ACACB: variants seen among roughly 807,000 people sequenced by gnomAD.
ACACB encodes acetyl-CoA carboxylase beta, also known as acetyl-CoA carboxylase 2.
A neutral mutation model predicts 278.8 loss-of-function variants in ACACB; 209 were observed. The ratio of observed to expected loss-of-function variants is 0.75; its 90% CI spans 0.67 to 0.84. The LOEUF is 0.84. ACACB is among the 40% of genes least tolerant of loss of function. ACACB has a pLI of 0.00. For missense variants in ACACB, 2,850 were observed against 3,269.0 expected, an observed-to-expected ratio of 0.87 and a Z score of 3.13; for synonymous variants, 1,174 against 1,285.6, an observed-to-expected ratio of 0.91 and a Z score of 1.86.
chr12:109,195,943 T>C (rs1176756915), intron 16 of ACACB, among the ~76,000 whole-genome samples: 2 of 152,206 alleles, frequency 1.3e-5, no homozygotes, highest in Non-Finnish European at 2.9e-5. Flanking sequence ...GGTCACCGTA[T>C]CAGACAGGGC....
intron 16 of ACACB, among the ~76,000 whole-genome samples, chr12:109,194,115 T>C (rs1166881292): frequency 6.6e-6 from 1 of 152,190 alleles, no homozygotes; most frequent in Admixed American, 6.5e-5. Flanking sequence ...CCCCAGCTTC[T>C]GGTGCTGCTG....
At chr12:109,262,150 A>C (rs1450629966) in intron 48 of ACACB, among the ~76,000 whole-genome samples, 1 of 152,140 alleles carries the variant, frequency 6.6e-6, no homozygotes, top group Non-Finnish European at 1.5e-5. Flanking sequence ...CAGTTGGCTC[A>C]GTCTTTCCAT....
At chr12:109,158,683 A>C (rs761121632) in intron 2 of ACACB, among the ~76,000 whole-genome samples, 4 of 152,094 alleles carry the variant, frequency 2.6e-5, no homozygotes, top group African/African-American at 4.8e-5. Context: ...CTCTATAAAA[A>C]ACAAATAAGG....
chr12:109,139,352 C>G, intron 1 of ACACB, 45 bp from the exon 2 acceptor site: 2 of 1,543,754 alleles, frequency 1.3e-6, no homozygotes. Flanking sequence ...AGAGAAATCA[C>G]TTGATTATGT....
At chr12:109,158,701 C>T (rs7976118) in intron 2 of ACACB, among the ~76,000 whole-genome samples, 69,545 of 151,960 alleles carry the variant, frequency 0.46, 17,430 homozygotes, top group Middle Eastern at 0.67. Flanking sequence ...AGGCTGGGTG[C>T]GGTGGCTCAC....
Position 109,179,964 on chromosome 12 carries a change from A to C in ACACB, c.1695A>C (p.Thr565=), listed in dbSNP as rs376005948. 38 of 1,613,858 alleles carry C rather than the reference A, an allele frequency of 2.4e-5. No individual in the cohort carries two copies. In the African/African-American group the frequency reaches 5.1e-4, roughly 22 times the overall value. The change falls in exon 11 of 53, where the codon ACA becomes ACC. Residue 565 remains threonine (T), a synonymous_variant. Coordinates refer to ENST00000338432, the MANE Select transcript of ACACB (RefSeq NM_001093.4). ...AKTVGYVSAG[T]VEYLYSQDGS... ...CCGTGGGCTATGTGAGTGCAGGGACAGTGGAATACCTCTATAGTCAGGATG... is the reference window on the plus strand; with the variant it reads ...CCGTGGGCTATGTGAGTGCAGGGACCGTGGAATACCTCTATAGTCAGGATG...
rs1371276453 is a variant in ACACB at position 109,191,758 on chromosome 12, G to A, written c.2290G>A (p.Val764Met). Residue 764 changes from valine (V) to methionine (M), a missense_variant, in exon 14 of 53, where the codon GTG (valine) becomes ATG (methionine). This residue lies in a region of ACACB where 2,265 missense variants were observed against 2,561.3 expected (regional missense o/e 0.88). Transcript: ENST00000338432. The stretch of plus-strand genomic sequence containing the variant: ...GTTGGACTACCTCATTGCTGAGAAA[G>A]TGCAGGTAGGGAGTGAGCTGCCTGT... ...GWLDYLIAEK[V>M]QAEKPDIMLG... 3 of 1,614,046 alleles carry A rather than the reference G, an allele frequency of 1.9e-6. No individual in the cohort carries two copies. In the African/African-American group the frequency reaches 4.0e-5, roughly 22 times the overall value.
At chr12:109,163,584 AGGACTTCG>A (rs1225618787) in intron 2 of ACACB, among the ~76,000 whole-genome samples, 3 of 152,182 alleles carry the variant, frequency 2.0e-5, no homozygotes, top group African/African-American at 4.8e-5. Context: ...TCCAGATAAT[AGGACTTCG>A]GGAAAAAATA....
chr12:109,231,322 C>T (rs1175084184), intron 28 of ACACB, among the ~76,000 whole-genome samples: 1 of 152,208 alleles, frequency 6.6e-6, no homozygotes, highest in African/African-American at 2.4e-5. Flanking sequence ...AGCAGGAAAT[C>T]TATTTTTTTT....
chr12:109,251,292 T>C (rs2047088194), intron 41 of ACACB, among the ~76,000 whole-genome samples: 1 of 152,222 alleles, frequency 6.6e-6, no homozygotes, highest in African/African-American at 2.4e-5. Context: ...ACTGCCTAAC[T>C]ATCACCTGAT....
chr12:109,222,986 G>T, intron 26 of ACACB, 74 bp downstream of exon 26: 1 of 1,174,886 alleles, frequency 8.5e-7, no homozygotes, highest in Middle Eastern at 1.9e-4. Flanking sequence ...TGGGGAAACG[G>T]CTCCTCCTGC....
At position 109,240,858 on chromosome 12, in the gene ACACB, T is replaced by C. The variant is rs574201488; in HGVS notation, c.4819-220T>C. On this transcript the variant is annotated intron_variant, in intron 35 of 52. Coordinates refer to ENST00000338432, the MANE Select transcript of ACACB (RefSeq NM_001093.4). ...TCTGTCAGTGAGGGATTAGAAAAGC[T>C]CGCCTCTCTTGAGTACTTACGAAGG... 1.1e-4 allele frequency among the ~76,000 whole-genome samples: 17 copies of C among 152,264 alleles called. No homozygotes were observed. The South Asian group carries it at 3.5e-3, about 32-fold the overall frequency.
At chr12:109,180,565 AT>A (rs571193419) in intron 11 of ACACB, among the ~76,000 whole-genome samples, 86 of 151,054 alleles carry the variant, frequency 5.7e-4, no homozygotes, top group Admixed American at 1.6e-3. Flanking sequence ...GGAACTCTAA[AT>A]TTTTTTTTTA....
At chr12:109,172,608 C>A (rs1483093636) in intron 6 of ACACB, among the ~76,000 whole-genome samples, 1 of 152,172 alleles carries the variant, frequency 6.6e-6, no homozygotes, top group African/African-American at 2.4e-5. Context: ...TGAAAAAAAG[C>A]TCAACATCAC....
chr12:109,229,695 A>C (rs111965108), intron 28 of ACACB, among the ~76,000 whole-genome samples: 5,099 of 151,618 alleles, frequency 0.034, 111 homozygotes, highest in Middle Eastern at 0.051. Context: ...AAGCCCCACT[A>C]CTTTTTTTTG....
In ACACB at chr12:109,123,692, C is replaced by CA. The variant is rs1316381744; in HGVS notation, c.-10+6996dup. 1.4e-3 allele frequency among the ~76,000 whole-genome samples: 197 copies of CA among 143,912 alleles called. 1 individual carries two copies. The highest frequency in any genetic ancestry group is 4.6e-3 in the African/African-American group (181 of 39,516). 94.4% of individuals were successfully genotyped at this position (143,912 alleles called of 152,430 possible). ...TGGGTGACAGAGTGAGACCCTGTCT[C>CA]AAAAAAAAGAAAAGAGACAGGGTCT... On this transcript the variant is annotated intron_variant, in intron 1 of 52. Coordinates refer to ENST00000338432, the MANE Select transcript of ACACB (RefSeq NM_001093.4).
At chr12:109,233,201 A>C (rs1230793471) in intron 29 of ACACB, among the ~76,000 whole-genome samples, 1 of 151,900 alleles carries the variant, frequency 6.6e-6, no homozygotes, top group Non-Finnish European at 1.5e-5. Flanking sequence ...ATGAGAATTA[A>C]ATGAGATAAC....
At chr12:109,237,667 C>A (rs2046670607) in intron 34 of ACACB, among the ~76,000 whole-genome samples, 1 of 152,068 alleles carries the variant, frequency 6.6e-6, no homozygotes, top group African/African-American at 2.4e-5. Context: ...CAGGGAATTT[C>A]TTAATATTTG....
At chr12:109,264,154 CAA>C (rs35795929) in intron 49 of ACACB, 76 bp from the exon 50 acceptor site, 37,231 of 1,305,510 alleles carry the variant, frequency 0.029, 2 homozygotes, top group Admixed American at 0.049. Context: ...GTGCCTTCTT[CAA>C]AAAAAAAAAA....
Sources: allele counts gnomAD v4.1 joint callset (sites outside exome capture counted in the v4.1 genomes callset), GRCh38; gene constraint gnomAD v4.1.1; regional missense constraint gnomAD v4.1.1; transcripts MANE v1.5; gene names NCBI Gene and HGNC (gene_info 2026-07-23, HGNC 2026-07-21).